ROBO1: variants seen among roughly 807,000 people sequenced by gnomAD.
ROBO1 encodes roundabout guidance receptor 1.
ROBO1 carries 149 observed loss-of-function variants against 195.9 expected under a neutral mutation model. That is an observed-to-expected ratio of 0.76 (90% CI 0.67 to 0.87). The LOEUF is 0.87. Among genes scored for constraint, ROBO1 ranks in the 40% least tolerant of loss-of-function variants. The probability of loss-of-function intolerance (pLI) is 0.00; values close to 1 mark genes in which losing one functional copy is unlikely to be tolerated. For missense variants in ROBO1, 1,933 were observed against 2,068.3 expected (o/e 0.93, Z 1.27); for synonymous variants, 816 against 733.2 (o/e 1.11, Z -1.82).
rs762995050 is a variant in ROBO1, at chr3:78,657,095, C to T, written c.2614+3G>A. 4 of 1,601,644 alleles carry T rather than the reference C, an allele frequency of 2.5e-6. No homozygotes were observed. The South Asian group carries it at 4.5e-5, about 18-fold the overall frequency. On this transcript the variant is annotated splice_donor_region_variant and intron_variant, in intron 18 of 30. Transcript: ENST00000464233. ...GTCAAACTGGATCTGCACTGACACT[C>T]ACCCAGCTGGATGAACTGAGGCTCA...
intron 4 of ROBO1, among the ~76,000 whole-genome samples, chr3:78,927,288 T>C (rs1388101816): frequency 6.6e-6 from 1 of 152,224 alleles, no homozygotes; most frequent in Non-Finnish European, 1.5e-5. Flanking sequence ...TTCTTACTCT[T>C]ACATTCTGCA....
chr3:79,579,813 T>C (rs138301876), intron 2 of ROBO1, among the ~76,000 whole-genome samples: 15 of 152,080 alleles, frequency 9.9e-5, no homozygotes, highest in Admixed American at 7.2e-4. Flanking sequence ...GTGAAAGAGA[T>C]AGGAAAAAAG....
intron 18 of ROBO1, among the ~76,000 whole-genome samples, chr3:78,656,816 G>A (rs1707056473): frequency 6.6e-6 from 1 of 152,068 alleles, no homozygotes; most frequent in Non-Finnish European, 1.5e-5. Context: ...ACAACCTTTT[G>A]CCTGAAATAT....
At chr3:78,797,682 T>C (rs2084226989) in intron 4 of ROBO1, among the ~76,000 whole-genome samples, 1 of 152,170 alleles carries the variant, frequency 6.6e-6, no homozygotes, top group Non-Finnish European at 1.5e-5. Flanking sequence ...ATGACAACAG[T>C]AATTAAGTAA....
chr3:79,711,215 TTA>T (rs748665793), intron 1 of ROBO1, among the ~76,000 whole-genome samples: 3 of 152,150 alleles, frequency 2.0e-5, no homozygotes, highest in South Asian at 4.1e-4. Context: ...TACAGTTCTG[TTA>T]TAGAACTCAT....
At chr3:78,829,895 G>T (rs561296218) in intron 4 of ROBO1, among the ~76,000 whole-genome samples, 1 of 152,128 alleles carries the variant, frequency 6.6e-6, no homozygotes, top group Non-Finnish European at 1.5e-5. Context: ...GTTTAAAACT[G>T]TCCTTTTCTT....
At chr3:79,723,813 T>G (rs1702801388) in intron 1 of ROBO1, among the ~76,000 whole-genome samples, 1 of 152,076 alleles carries the variant, frequency 6.6e-6, no homozygotes, top group Admixed American at 6.6e-5. Context: ...AAGGTTTATT[T>G]ATTTTCAGTA....
At chr3:79,230,155 T>C (rs919438857) in intron 2 of ROBO1, among the ~76,000 whole-genome samples, 4 of 152,150 alleles carry the variant, frequency 2.6e-5, no homozygotes, top group African/African-American at 9.7e-5. Context: ...TAAATGCATG[T>C]CACTTTTTGG....
intron 3 of ROBO1, among the ~76,000 whole-genome samples, chr3:79,035,357 C>T (rs899974591): frequency 2.6e-5 from 4 of 152,240 alleles, no homozygotes; most frequent in African/African-American, 9.6e-5. Flanking sequence ...ATCTAACTTA[C>T]TTTGTTAATT....
chr3:79,338,046 G>A (rs1171323236), intron 2 of ROBO1, among the ~76,000 whole-genome samples: 1 of 151,970 alleles, frequency 6.6e-6, no homozygotes, highest in Non-Finnish European at 1.5e-5. Flanking sequence ...ATATATAAAG[G>A]TCAAAATCAA....
intron 3 of ROBO1, among the ~76,000 whole-genome samples, chr3:79,105,733 A>C (rs2079765993): frequency 6.6e-6 from 1 of 151,718 alleles, no homozygotes; most frequent in Non-Finnish European, 1.5e-5. Context: ...AAAAATCCTT[A>C]GTGTCATCAT....
At chr3:79,431,093 A>G (rs1353113027) in intron 2 of ROBO1, among the ~76,000 whole-genome samples, 1 of 152,054 alleles carries the variant, frequency 6.6e-6, no homozygotes, top group East Asian at 1.9e-4. Context: ...GTATTACAAA[A>G]ACAGAGTAGA....
intron 1 of ROBO1, among the ~76,000 whole-genome samples, chr3:79,659,180 A>T (rs1946256962): frequency 6.6e-6 from 1 of 152,128 alleles, no homozygotes; most frequent in African/African-American, 2.4e-5. Flanking sequence ...GACTCAAAGC[A>T]TGCTTATATT....
chr3:78,628,803 C>T (rs1471622122), intron 25 of ROBO1, among the ~76,000 whole-genome samples: 1 of 152,124 alleles, frequency 6.6e-6, no homozygotes, highest in Non-Finnish European at 1.5e-5. Context: ...CTTTCTTCTC[C>T]CTCAAACTAC....
chr3:79,122,286 A>G lies in ROBO1; in HGVS notation c.172+3170T>C, dbSNP rs148399356. On this transcript the variant is annotated intron_variant, in intron 3 of 30. Transcript: ENST00000464233. ...ACAAGAAATGGGCCACTTCACTGTA[A>G]ATAATGCCCAAGTCCACTTTAATAA... Among the ~76,000 whole-genome samples, 34 of 152,170 alleles carry G rather than the reference A, an allele frequency of 2.2e-4. No individual in the cohort carries two copies. The East Asian group carries it at 4.8e-3, about 22-fold the overall frequency.
intron 3 of ROBO1, among the ~76,000 whole-genome samples, chr3:78,977,221 C>T (rs1417731100): frequency 6.6e-6 from 1 of 152,020 alleles, no homozygotes; most frequent in Non-Finnish European, 1.5e-5. Context: ...CTTTTTAAAC[C>T]TCAATTCCCA....
At chr3:78,673,605 T>TATATATAC (rs779997525) in intron 10 of ROBO1, among the ~76,000 whole-genome samples, 857 of 52,372 alleles carry the variant, frequency 0.016, 9 homozygotes, top group Middle Eastern at 0.052. Flanking sequence ...TATATATATA[T>TATATATAC]ACACACATAT....
chr3:79,081,874 G>T (rs762198737), intron 3 of ROBO1, among the ~76,000 whole-genome samples: 1 of 152,036 alleles, frequency 6.6e-6, no homozygotes, highest in Non-Finnish European at 1.5e-5. Context: ...ATACTTAAAG[G>T]ATTAAATGAT....
intron 1 of ROBO1, among the ~76,000 whole-genome samples, chr3:79,595,214 T>C (rs538859768): frequency 3.3e-5 from 5 of 152,086 alleles, no homozygotes; most frequent in African/African-American, 1.2e-4. Context: ...AGGAGGGTGA[T>C]TTTCTCAAAG....
Sources: allele counts gnomAD v4.1 joint callset (sites outside exome capture counted in the v4.1 genomes callset), GRCh38; gene constraint gnomAD v4.1.1; transcripts MANE v1.5; gene names NCBI Gene and HGNC (gene_info 2026-07-23, HGNC 2026-07-21).